The following RBL1 variants were observed in gnomAD, a reference collection of about 807,000 sequenced individuals.
RBL1 encodes RB transcriptional corepressor like 1, also known as retinoblastoma-like protein 1.
In RBL1, 82 loss-of-function variants were observed where a neutral mutation model predicts 123.0. That is an observed-to-expected ratio of 0.67 (90% CI 0.56 to 0.80). The LOEUF is 0.80. RBL1 is among the 30% of genes least tolerant of loss of function. The pLI, the probability that RBL1 is intolerant of heterozygous loss-of-function variation, is 0.00. For missense variants in RBL1, 1,171 were observed against 1,299.6 expected, an observed-to-expected ratio of 0.90 and a Z score of 1.52; for synonymous variants, 405 against 441.3, an observed-to-expected ratio of 0.92 and a Z score of 1.03.
chr20:36,999,007 T>C, intron 21 of RBL1, 78 bp from the exon 22 acceptor site: 1 of 1,387,900 alleles, frequency 7.2e-7, no homozygotes, highest in South Asian at 1.3e-5. Context: ...TAATTGTTTT[T>C]TCCTGTGCTC....
intron 2 of RBL1, among the ~76,000 whole-genome samples, chr20:37,071,246 C>T (rs929405696): frequency 4.6e-5 from 7 of 152,248 alleles, no homozygotes; most frequent in South Asian, 2.1e-4. Context: ...GAGTCCATTT[C>T]GCCTGGCCAA....
rs2064741973 is a variant in RBL1, at chr20:37,042,246, T to C, written c.1770+1840A>G. The stretch of plus-strand genomic sequence containing the variant: ...TGGGCAAAAGATCTGAATAGACATT[T>C]CTCCAAAGAAGATATGCAAACAGCT... On this transcript the variant is annotated intron_variant, in intron 13 of 21. Coordinates refer to ENST00000373664, the MANE Select transcript of RBL1 (RefSeq NM_002895.5). 2.6e-5 allele frequency among the ~76,000 whole-genome samples: 4 copies of C among 151,980 alleles called. 1 individual carries two copies. The highest frequency in any genetic ancestry group is 2.6e-4 in the Admixed American group (4 of 15,238).
chr20:37,040,541 C>T lies in RBL1; in HGVS notation c.1771-256G>A, dbSNP rs911083300. 5.3e-5 allele frequency among the ~76,000 whole-genome samples: 8 copies of T among 151,966 alleles called. No individual in the cohort carries two copies. In the East Asian group the frequency reaches 5.8e-4, roughly 11 times the overall value. On this transcript the variant is annotated intron_variant, in intron 13 of 21. Transcript: ENST00000373664. Reference sequence around the variant, plus strand: ...CTAATTTTTGTATTTTTAGGAGAGACGAGGTTTCACCATGTTGGCCAGGCT... The same window carrying T: ...CTAATTTTTGTATTTTTAGGAGAGATGAGGTTTCACCATGTTGGCCAGGCT...
At chr20:37,019,215 C>T (rs1484203273) in intron 18 of RBL1, among the ~76,000 whole-genome samples, 1 of 152,042 alleles carries the variant, frequency 6.6e-6, no homozygotes, top group Non-Finnish European at 1.5e-5. Context: ...GGACCAGAGT[C>T]ATTTGTTCTT....
chr20:37,050,075 A>G (rs1200759036), intron 11 of RBL1, among the ~76,000 whole-genome samples: 5 of 151,856 alleles, frequency 3.3e-5, no homozygotes, highest in East Asian at 3.9e-4. Context: ...AAAAAAAAAA[A>G]AGAGAGAGAG....
rs558025071 is a variant in RBL1, at chr20:37,070,961, T to A, written c.291-2775A>T. ...CCCAGGCTGGAGTGCAGTGGCATGA[T>A]CTTGGCTCACTGCAACCTCTGCATC... On this transcript the variant is annotated intron_variant, in intron 2 of 21. Transcript: ENST00000373664. Among the ~76,000 whole-genome samples the A allele has an allele frequency of 7.9e-5, 12 of 152,172 alleles. No homozygotes were observed. In the East Asian group the frequency reaches 1.5e-3, roughly 20 times the overall value.
At chr20:37,050,647 G>C (rs1244546905) in intron 11 of RBL1, among the ~76,000 whole-genome samples, 2 of 148,854 alleles carry the variant, frequency 1.3e-5, no homozygotes, top group African/African-American at 2.5e-5. Flanking sequence ...TCCATCATCT[G>C]AAAAATGAAA....
chr20:37,009,554 C>A (rs2064121692), intron 19 of RBL1, among the ~76,000 whole-genome samples: 2 of 151,814 alleles, frequency 1.3e-5, no homozygotes, highest in South Asian at 4.1e-4. Flanking sequence ...GAGACAGGGT[C>A]TCCCTATGTT....
intron 8 of RBL1, 145 bp from the exon 9 acceptor site, chr20:37,061,414 A>T: frequency 1.7e-6 from 2 of 1,199,400 alleles, no homozygotes; most frequent in Non-Finnish European, 2.2e-6. Context: ...ACATCCTTAT[A>T]TTTGAATAAC....
intron 20 of RBL1, among the ~76,000 whole-genome samples, chr20:37,005,009 C>T (rs1321608495): frequency 6.6e-6 from 1 of 151,978 alleles, no homozygotes; most frequent in Non-Finnish European, 1.5e-5. Flanking sequence ...TCACTGCACT[C>T]CTCCTGGGGT....
intron 2 of RBL1, among the ~76,000 whole-genome samples, chr20:37,087,541 G>C (rs1387664954): frequency 1.3e-5 from 2 of 152,024 alleles, no homozygotes; most frequent in African/African-American, 4.8e-5. Context: ...GAGCTAAAAA[G>C]GTGCCACTGC....
intron 13 of RBL1, among the ~76,000 whole-genome samples, chr20:37,043,151 C>T (rs1486465558): frequency 8.1e-6 from 1 of 123,088 alleles, no homozygotes; most frequent in Non-Finnish European, 1.7e-5. Context: ...TCTACACACA[C>T]ATGCGCGCGT....
At chr20:37,057,930 AG>A (rs1276656005) in intron 9 of RBL1, among the ~76,000 whole-genome samples, 1 of 152,026 alleles carries the variant, frequency 6.6e-6, no homozygotes, top group African/African-American at 2.4e-5. Context: ...GTTCGAGACC[AG>A]CCTGACCAAT....
intron 2 of RBL1, 30 bp from the exon 3 acceptor site, chr20:37,068,216 A>G: frequency 6.6e-7 from 1 of 1,523,698 alleles, no homozygotes; most frequent in Non-Finnish European, 8.8e-7. Context: ...GAAAAAAGGC[A>G]CCTTTAAAAT....
intron 11 of RBL1, among the ~76,000 whole-genome samples, chr20:37,047,557 A>G (rs908072289): frequency 1.3e-5 from 2 of 152,258 alleles, no homozygotes; most frequent in Admixed American, 1.3e-4. Context: ...GTAATATGTC[A>G]CAGTTTAGAC....
chr20:37,080,635 T>A (rs185905923), intron 2 of RBL1, among the ~76,000 whole-genome samples: 1 of 151,906 alleles, frequency 6.6e-6, no homozygotes, highest in East Asian at 1.9e-4. Flanking sequence ...ATTTTTATAA[T>A]TTTAGTAGAG....
At chr20:37,090,726 G>A (rs545615766) in intron 1 of RBL1, among the ~76,000 whole-genome samples, 2 of 152,282 alleles carry the variant, frequency 1.3e-5, no homozygotes, top group South Asian at 2.1e-4. Context: ...AGGCTATATG[G>A]TATGCTTATT....
chr20:37,076,960 A>G (rs1215069112), intron 2 of RBL1, among the ~76,000 whole-genome samples: 2 of 142,894 alleles, frequency 1.4e-5, no homozygotes, highest in East Asian at 4.0e-4. Context: ...TTTTTGAGGC[A>G]GAGTCTTGCT....
intron 14 of RBL1, among the ~76,000 whole-genome samples, chr20:37,037,962 G>A (rs1256951708): frequency 6.6e-6 from 1 of 151,018 alleles, no homozygotes; most frequent in Non-Finnish European, 1.5e-5. Flanking sequence ...TAGGATTACG[G>A]GTGTAAGCCA....
Sources: gnomAD v4.1 joint callset for allele counts (sites outside exome capture counted in the v4.1 genomes callset) on GRCh38, gnomAD v4.1.1 for gene constraint, MANE v1.5 for transcripts, NCBI Gene and HGNC (gene_info 2026-07-23, HGNC 2026-07-21) for gene names.